INKA2: variants seen among roughly 807,000 people sequenced by gnomAD.
INKA2 encodes the protein PAK4-inhibitor INKA2.
A neutral mutation model predicts 9.8 loss-of-function variants in INKA2; 3 were observed. The observed-to-expected ratio is 0.31, with a 90% CI of 0.14 to 0.79. The LOEUF (loss-of-function observed/expected upper bound fraction) is 0.79. INKA2 is among the 30% of genes least tolerant of loss of function. INKA2 has a pLI of 0.62. For missense variants in INKA2, 392 were observed against 384.4 expected, an observed-to-expected ratio of 1.02 and a Z score of -0.17; for synonymous variants, 147 against 143.3, an observed-to-expected ratio of 1.03 and a Z score of -0.18.
At chr1:111,755,160 A>C (rs1186638498) in intron 1 of INKA2, 2 of 158,024 alleles carry the variant, frequency 1.3e-5, no homozygotes, top group African/African-American at 4.8e-5. Context: ...GCGGATGCGG[A>C]GGCGGATGCA....
Position 111,726,410 on chromosome 1 carries a change from G to A in INKA2, c.*558C>T, listed in dbSNP as rs1022838615. 4.1e-6 allele frequency: 1 copy of A among 246,652 alleles called. No homozygotes were observed. The highest frequency in any genetic ancestry group is 2.2e-5 in the African/African-American group (1 of 44,590). The allele number at this position is 246,652 out of a possible 1,614,324, so 15.3% of individuals were successfully genotyped here. On this transcript the variant is annotated 3_prime_UTR_variant, in exon 2 of 2. Transcript: ENST00000357260. Reference sequence around the variant, plus strand: ...ACCTCCAAGGCAGAAAGGGCTAGCAGGTCGGGTTTTGCCTCACTGCTGCTC... The same window carrying A: ...ACCTCCAAGGCAGAAAGGGCTAGCAAGTCGGGTTTTGCCTCACTGCTGCTC...
chr1:111,741,605 A>C (rs1330480447), upstream of INKA2, among the ~76,000 whole-genome samples: 1 of 152,256 alleles, frequency 6.6e-6, no homozygotes, highest in African/African-American at 2.4e-5. Context: ...CAAACACCAC[A>C]AAAGGGTTCC....
At position 111,727,029 on chromosome 1, in the gene INKA2, C is replaced by T. The variant is rs773546549; in HGVS notation, c.833G>A (p.Cys278Tyr). Residue 278 changes from cysteine (C) to tyrosine (Y), a missense_variant, in exon 2 of 2, where the codon TGC becomes TAC. Cys to Tyr is a radical substitution (Grantham distance 194). Coordinates refer to ENST00000357260, the MANE Select transcript of INKA2 (RefSeq NM_019099.5). ...GGGTGAGTGCTCCAGGGCCTTGGGGCAGCTTGTGGGGGGATTCTCCCCTCG... is the reference window on the plus strand; with the variant it reads ...GGGTGAGTGCTCCAGGGCCTTGGGGTAGCTTGTGGGGGGATTCTCCCCTCG... ...HRRGENPPTS[C>Y]PKALEHSPSG... is the part of the protein sequence containing the mutation. 9 of 1,613,906 alleles carry T rather than the reference C, an allele frequency of 5.6e-6. No individual in the cohort carries two copies. The highest frequency in any genetic ancestry group is 7.6e-6 in the Non-Finnish European group (9 of 1,180,016).
rs141026018 is a variant in INKA2 at position 111,727,431 on chromosome 1, G to A, written c.431C>T (p.Thr144Met). The A allele has an allele frequency of 2.5e-5, 41 of 1,614,066 alleles. No individual in the cohort carries two copies. Among genetic ancestry groups the A allele is most frequent in the African/African-American group, 6.7e-5 (5 of 74,950 alleles). Residue 144 changes from threonine (T) to methionine (M), a missense_variant, in exon 2 of 2, where the codon ACG becomes ATG. Physicochemically the swap from Thr to Met is moderately conservative, Grantham distance 81. Transcript: ENST00000357260. ...TCGATTCCGGCCCCGGGACATCAACGTGGAGGTCCAGTCATCCGGTTCCAC... is the reference window on the plus strand; with the variant it reads ...TCGATTCCGGCCCCGGGACATCAACATGGAGGTCCAGTCATCCGGTTCCAC... The part of the protein sequence containing the change: ...ERVEPDDWTS[T>M]LMSRGRNRQP...
intron 1 of INKA2, among the ~76,000 whole-genome samples, chr1:111,737,586 A>C (rs1036517109): frequency 2.0e-4 from 30 of 152,326 alleles, no homozygotes; most frequent in African/African-American, 6.3e-4. Context: ...TGCACACATA[A>C]ATGGAAAAAA....
chr1:111,744,193 T>C (rs372465106), upstream of INKA2, among the ~76,000 whole-genome samples: 5 of 152,310 alleles, frequency 3.3e-5, no homozygotes, highest in African/African-American at 1.2e-4. Flanking sequence ...GAGGGACAGC[T>C]GAGAGGATGA....
In INKA2 at chr1:111,725,702, G is replaced by T. The variant is rs1356583140; in HGVS notation, c.*1266C>A. On this transcript the variant is annotated 3_prime_UTR_variant, in exon 2 of 2. Transcript: ENST00000357260. ...TGGGAGTTAAGTGCAGGAGACAGGG[G>T]TTGTGGGGTATGGGGCCCTACGAAC... 6.3e-6 allele frequency: 1 copy of T among 159,894 alleles called. No individual in the cohort carries two copies. Among genetic ancestry groups the T allele is most frequent in the Admixed American group, 6.4e-5 (1 of 15,512 alleles). The allele number at this position is 159,894 out of a possible 1,614,324, so 9.9% of individuals were successfully genotyped here. A position where few individuals can be genotyped will look rare whatever the true frequency, so the allele number is the denominator to read the frequency against.
Position 111,725,825 on chromosome 1 carries a change from C to T in INKA2, c.*1143G>A, listed in dbSNP as rs191470561. The T allele has an allele frequency of 1.3e-3, 352 of 276,230 alleles. No individual in the cohort carries two copies. The highest frequency in any genetic ancestry group is 1.7e-3 in the Non-Finnish European group (254 of 148,892). The allele number at this position is 276,230 out of a possible 1,614,324, so 17.1% of individuals were successfully genotyped here. On this transcript the variant is annotated 3_prime_UTR_variant, in exon 2 of 2. Coordinates refer to ENST00000357260, the MANE Select transcript of INKA2 (RefSeq NM_019099.5). ...TCGCCTCACTGCAACCTCCCTCTCC[C>T]GGGCTCAAGCAATTCTCCTGCCTCA...
intron 1 of INKA2, among the ~76,000 whole-genome samples, chr1:111,749,287 C>T (rs1210759676): frequency 1.3e-5 from 2 of 152,072 alleles, no homozygotes; most frequent in South Asian, 2.1e-4. Context: ...AACAGGAAGG[C>T]GAGGCCCCAT....
At chr1:111,730,954 C>T (rs143102437) in intron 1 of INKA2, among the ~76,000 whole-genome samples, 58 of 152,318 alleles carry the variant, frequency 3.8e-4, no homozygotes, top group African/African-American at 1.4e-3. Context: ...AGCAGGGCTG[C>T]TTCCCAAGGT....
intron 1 of INKA2, among the ~76,000 whole-genome samples, chr1:111,728,068 C>T (rs1407840071): frequency 1.3e-5 from 2 of 151,566 alleles, no homozygotes; most frequent in Non-Finnish European, 2.9e-5. Context: ...CACACACACA[C>T]ACACAGACAT....
At chr1:111,749,260 T>TG (rs1366144264) in intron 1 of INKA2, among the ~76,000 whole-genome samples, 1 of 152,124 alleles carries the variant, frequency 6.6e-6, no homozygotes, top group African/African-American at 2.4e-5. Context: ...TCTCCGGAGC[T>TG]GGGAGACAAC....
chr1:111,744,294 G>A (rs1385384720), upstream of INKA2: 1 of 152,178 alleles, frequency 6.6e-6, no homozygotes, highest in Non-Finnish European at 1.5e-5. Context: ...TTTGGACTGG[G>A]TGGAGGAATC....
chr1:111,730,370 C>T (rs1013491758), intron 1 of INKA2, among the ~76,000 whole-genome samples: 1 of 152,208 alleles, frequency 6.6e-6, no homozygotes, highest in African/African-American at 2.4e-5. Context: ...TCCTGCCCAA[C>T]TTACTCATGT....
intron 1 of INKA2, among the ~76,000 whole-genome samples, chr1:111,734,711 C>T (rs1023618650): frequency 3.3e-5 from 5 of 152,230 alleles, no homozygotes; most frequent in Non-Finnish European, 7.3e-5. Flanking sequence ...GTACATTTTG[C>T]TCATGTTGTT....
At chr1:111,752,507 T>C (rs934019546) in intron 1 of INKA2, among the ~76,000 whole-genome samples, 2 of 152,170 alleles carry the variant, frequency 1.3e-5, no homozygotes, top group Non-Finnish European at 2.9e-5. Context: ...GTTGAATGAT[T>C]AGAGATGTTT....
At chr1:111,744,771 G>A (rs1365046505) in intron 1 of INKA2, among the ~76,000 whole-genome samples, 1 of 151,928 alleles carries the variant, frequency 6.6e-6, no homozygotes, top group Non-Finnish European at 1.5e-5. Context: ...TAGTAGAGAC[G>A]GGGTTTCACC....
rs1282930836 is a variant in INKA2, at chr1:111,727,016, C to G, written c.846G>C (p.Leu282=). The G allele has an allele frequency of 2.5e-6, 4 of 1,614,058 alleles. No homozygotes were observed. The South Asian group carries it at 4.4e-5, about 18-fold the overall frequency. Residue 282 remains leucine, a synonymous_variant, in exon 2 of 2, where the codon CTG becomes CTC. Coordinates refer to ENST00000357260, the MANE Select transcript of INKA2 (RefSeq NM_019099.5). ...TATCAAATCCTGAGGGTGAGTGCTC[C>G]AGGGCCTTGGGGCAGCTTGTGGGGG... ...ENPPTSCPKA[L]EHSPSGFDIN...
At chr1:111,739,506 G>C, upstream of INKA2, 6 of 1,227,484 alleles carry the variant, frequency 4.9e-6, no homozygotes, top group Non-Finnish European at 6.4e-6. Flanking sequence ...GGGCGGCCGG[G>C]AGGCCGGGCT....
Sources: allele counts gnomAD v4.1 joint callset (sites outside exome capture counted in the v4.1 genomes callset), GRCh38; gene constraint gnomAD v4.1.1; transcripts MANE v1.5; gene names NCBI Gene and HGNC (gene_info 2026-07-23, HGNC 2026-07-21).